MAGI2: variants seen among roughly 807,000 people sequenced by gnomAD.
MAGI2 encodes the protein membrane-associated guanylate kinase, WW and PDZ domain-containing protein 2.
In MAGI2, 35 loss-of-function variants were observed where a neutral mutation model predicts 133.3. The ratio of observed to expected loss-of-function variants is 0.26; its 90% CI spans 0.20 to 0.35. The LOEUF is 0.35. Ranked by LOEUF, MAGI2 falls within the 10% of genes least tolerant of loss-of-function variation. MAGI2 has a pLI of 1.00. For synonymous variants in MAGI2, 729 were observed against 710.6 expected, an observed-to-expected ratio of 1.03 and a Z score of -0.41; for missense variants, 1,636 against 1,863.4, an observed-to-expected ratio of 0.88 and a Z score of 2.25.
At chr7:78,678,054 CTAATG>C (rs1328501755) in intron 2 of MAGI2, among the ~76,000 whole-genome samples, 1 of 152,052 alleles carries the variant, frequency 6.6e-6, no homozygotes, top group East Asian at 1.9e-4. Context: ...TAGAACTGAT[CTAATG>C]AAGCTTAGGG....
intron 2 of MAGI2, among the ~76,000 whole-genome samples, chr7:78,701,132 T>C (rs1265627804): frequency 6.6e-6 from 1 of 151,800 alleles, no homozygotes; most frequent in Non-Finnish European, 1.5e-5. Flanking sequence ...AATTTTACAG[T>C]AAGAAAGACT....
intron 1 of MAGI2, among the ~76,000 whole-genome samples, chr7:79,026,055 T>A (rs559952879): frequency 6.6e-6 from 1 of 152,290 alleles, no homozygotes; most frequent in East Asian, 1.9e-4. Flanking sequence ...CATTCAATTG[T>A]CCTTACCTGA....
chr7:79,378,082 G>T (rs1186076099), intron 1 of MAGI2, among the ~76,000 whole-genome samples: 1 of 151,768 alleles, frequency 6.6e-6, no homozygotes, highest in Non-Finnish European at 1.5e-5. Flanking sequence ...CAAATTTTGG[G>T]GGTCAAGCTA....
At position 79,355,491 on chromosome 7, in the gene MAGI2, G is replaced by T. The variant is rs1214001836; in HGVS notation, c.301+97529C>A. 3.3e-5 allele frequency among the ~76,000 whole-genome samples: 5 copies of T among 152,150 alleles called. No homozygotes were observed. In the East Asian group the frequency reaches 7.7e-4, roughly 23 times the overall value. On this transcript the variant is annotated intron_variant, in intron 1 of 21. Coordinates refer to ENST00000354212, the MANE Select transcript of MAGI2 (RefSeq NM_012301.4). Reference sequence around the variant, plus strand: ...CCATCACTTTCTAGTGGTGTTGGAGGTATACATTTTAAATTATAACTACAT... The same window carrying T: ...CCATCACTTTCTAGTGGTGTTGGAGTTATACATTTTAAATTATAACTACAT...
In MAGI2 at chr7:78,515,627, G is replaced by A. The variant is rs879695498; in HGVS notation, c.754+5803C>T. On this transcript the variant is annotated intron_variant, in intron 4 of 21. Coordinates refer to ENST00000354212, the MANE Select transcript of MAGI2 (RefSeq NM_012301.4). ...AAAAAAAGTCCTTGTTTGGCCAGGC[G>A]CTGTAGCTCAAGCCTGGAATCCCAG... Among the ~76,000 whole-genome samples, 19 of 151,458 alleles carry A rather than the reference G, an allele frequency of 1.3e-4. No homozygotes were observed. In the South Asian group the frequency reaches 2.7e-3, roughly 22 times the overall value.
intron 3 of MAGI2, among the ~76,000 whole-genome samples, chr7:78,573,254 A>G (rs1393719465): frequency 1.1e-4 from 4 of 36,518 alleles, no homozygotes; most frequent in Admixed American, 1.2e-3. Flanking sequence ...ATAAATATAT[A>G]TAAATATAAA....
At chr7:78,855,687 C>T (rs1208549269) in intron 2 of MAGI2, among the ~76,000 whole-genome samples, 2 of 152,164 alleles carry the variant, frequency 1.3e-5, no homozygotes, top group Non-Finnish European at 2.9e-5. Context: ...CAAGTCTTTG[C>T]TATTGTGAAT....
At chr7:79,159,020 A>G (rs1440386832) in intron 1 of MAGI2, among the ~76,000 whole-genome samples, 2 of 152,078 alleles carry the variant, frequency 1.3e-5, no homozygotes, top group African/African-American at 4.8e-5. Flanking sequence ...TACAAGGTAT[A>G]CACAAGTTAA....
At chr7:79,066,086 C>G (rs1814294980) in intron 1 of MAGI2, among the ~76,000 whole-genome samples, 1 of 152,004 alleles carries the variant, frequency 6.6e-6, no homozygotes, top group Non-Finnish European at 1.5e-5. Context: ...AGTAATGGGA[C>G]TGCTGGGACA....
At chr7:78,994,704 G>A (rs1366709953) in intron 2 of MAGI2, among the ~76,000 whole-genome samples, 2 of 152,052 alleles carry the variant, frequency 1.3e-5, no homozygotes, top group South Asian at 2.1e-4. Context: ...GGAAGGGTTT[G>A]TATAACCTCT....
chr7:79,403,189 C>T (rs550967458), intron 1 of MAGI2, among the ~76,000 whole-genome samples: 32 of 152,262 alleles, frequency 2.1e-4, no homozygotes, highest in African/African-American at 6.5e-4. Context: ...GTTAATGCAG[C>T]AAAGACTGAA....
intron 1 of MAGI2, among the ~76,000 whole-genome samples, chr7:79,023,056 T>C (rs889315786): frequency 6.6e-6 from 1 of 152,168 alleles, no homozygotes; most frequent in African/African-American, 2.4e-5. Flanking sequence ...CAGGCTAATA[T>C]CATTTATGAA....
At position 78,639,737 on chromosome 7, in the gene MAGI2, A is replaced by G. The variant is rs999719131; in HGVS notation, c.419-12498T>C. On this transcript the variant is annotated intron_variant, in intron 2 of 21. Coordinates refer to ENST00000354212, the MANE Select transcript of MAGI2 (RefSeq NM_012301.4). ...CTGTGAGCATTCATATGTAGAAAAC[A>G]TCTGTACATATTACAGGGAACAGGA... 3.9e-5 allele frequency among the ~76,000 whole-genome samples: 6 copies of G among 152,314 alleles called. No individual in the cohort carries two copies. The East Asian group carries it at 1.2e-3, about 29-fold the overall frequency.
At chr7:78,917,055 A>G (rs1798859603) in intron 2 of MAGI2, among the ~76,000 whole-genome samples, 1 of 152,144 alleles carries the variant, frequency 6.6e-6, no homozygotes, top group South Asian at 2.1e-4. Flanking sequence ...ATAAATTTCC[A>G]ATTCAATTAC....
intron 6 of MAGI2, chr7:78,486,942 G>T: frequency 1.9e-6 from 1 of 524,906 alleles, no homozygotes. Context: ...TCATTTCATG[G>T]CTCTGGGGCC....
At chr7:78,548,982 GGTTT>G (rs1799108888) in intron 3 of MAGI2, among the ~76,000 whole-genome samples, 1 of 151,928 alleles carries the variant, frequency 6.6e-6, no homozygotes, top group Non-Finnish European at 1.5e-5. Flanking sequence ...TTCATCCATG[GGTTT>G]GTTAAACCTC....
intron 2 of MAGI2, among the ~76,000 whole-genome samples, chr7:79,005,876 A>G (rs1383113885): frequency 6.6e-6 from 1 of 152,204 alleles, no homozygotes; most frequent in Non-Finnish European, 1.5e-5. Context: ...CCAAAAGCCT[A>G]TTCACTTAAC....
intron 2 of MAGI2, among the ~76,000 whole-genome samples, chr7:78,846,998 A>G (rs1166961645): frequency 6.6e-6 from 1 of 151,952 alleles, no homozygotes; most frequent in Non-Finnish European, 1.5e-5. Flanking sequence ...AATGATTCTC[A>G]CTTTAGAATA....
chr7:78,796,398 A>G (rs570772670), intron 2 of MAGI2, among the ~76,000 whole-genome samples: 13 of 152,258 alleles, frequency 8.5e-5, no homozygotes, highest in African/African-American at 2.9e-4. Flanking sequence ...CAACATCACT[A>G]ATCATCAGGT....
Sources: allele counts gnomAD v4.1 joint callset (sites outside exome capture counted in the v4.1 genomes callset), GRCh38; gene constraint gnomAD v4.1.1; transcripts MANE v1.5; gene names NCBI Gene and HGNC (gene_info 2026-07-23, HGNC 2026-07-21).